The following YTHDC1 variants were observed in gnomAD, a reference collection of about 807,000 sequenced individuals.
YTHDC1 encodes YTH domain-containing protein 1.
YTHDC1 carries 12 observed loss-of-function variants against 107.0 expected under a neutral mutation model. The ratio of observed to expected loss-of-function variants is 0.11; its 90% CI spans 0.07 to 0.18. The LOEUF (loss-of-function observed/expected upper bound fraction) is 0.18. YTHDC1 is among the 10% of genes least tolerant of loss of function. YTHDC1 has a pLI of 1.00. For missense variants in YTHDC1, 635 were observed against 898.8 expected (o/e 0.71, Z 3.75); for synonymous variants, 280 against 289.5 (o/e 0.97, Z 0.33).
Position 68,311,542 on chromosome 4 carries a change from C to CA in YTHDC1, c.*2556dup, listed in dbSNP as rs1553901028. ...GTCTTCTCACAGTGACAAAAGCTGT[C>CA]ATGTGTACGAATATTAAATAAAACA... is the stretch of plus-strand genomic sequence containing the variant. On this transcript the variant is annotated 3_prime_UTR_variant, in exon 17 of 17. Coordinates refer to ENST00000344157, the MANE Select transcript of YTHDC1 (RefSeq NM_001031732.4). 1 of 152,148 alleles carries CA rather than the reference C, an allele frequency of 6.6e-6. No individual in the cohort carries two copies. The highest frequency in any genetic ancestry group is 1.5e-5 in the Non-Finnish European group (1 of 68,046). The allele number at this position is 152,148 out of a possible 1,614,324, so 9.4% of individuals were successfully genotyped here. A position where few individuals can be genotyped will look rare whatever the true frequency, so the allele number is the denominator to read the frequency against.
chr4:68,349,679 C>T, intron 1 of YTHDC1, 47 bp downstream of exon 1: 1 of 1,372,196 alleles, frequency 7.3e-7, no homozygotes. Context: ...TCACCCCACT[C>T]CCGGGCCCCA....
intron 9 of YTHDC1, among the ~76,000 whole-genome samples, chr4:68,328,036 C>T (rs62316045): frequency 0.23 from 34,239 of 152,034 alleles, 4,497 homozygotes; most frequent in East Asian, 0.55. Context: ...TCTACCTCTT[C>T]GGTTGCTTGA....
At chr4:68,343,693 C>T (rs899037782) in intron 1 of YTHDC1, among the ~76,000 whole-genome samples, 6 of 151,958 alleles carry the variant, frequency 3.9e-5, no homozygotes, top group Admixed American at 2.0e-4. Flanking sequence ...CCTGCCACCA[C>T]GCCGAGCTAA....
chr4:68,323,540 A>G (rs1389959857), intron 10 of YTHDC1, among the ~76,000 whole-genome samples: 1 of 152,202 alleles, frequency 6.6e-6, no homozygotes, highest in Non-Finnish European at 1.5e-5. Context: ...CCAGCCTCGC[A>G]AAATGGTGAA....
chr4:68,333,122 A>C (rs1044101826), intron 5 of YTHDC1, among the ~76,000 whole-genome samples, 186 bp downstream of exon 5: 2 of 152,200 alleles, frequency 1.3e-5, no homozygotes, highest in Admixed American at 6.5e-5. Context: ...ATTCCACTTA[A>C]GCAGTAACAG....
chr4:68,333,485 T>G, intron 4 of YTHDC1, 88 bp from the exon 5 acceptor site: 1 of 894,240 alleles, frequency 1.1e-6, no homozygotes, highest in Non-Finnish European at 1.8e-6. Flanking sequence ...CATGTCTAGT[T>G]TTTGCATAGC....
intron 15 of YTHDC1, 81 bp downstream of exon 15, chr4:68,318,438 C>T: frequency 1.5e-6 from 2 of 1,350,506 alleles, no homozygotes; most frequent in Admixed American, 4.6e-5. Flanking sequence ...GTAACTGTAA[C>T]AATCATATTC....
chr4:68,342,449 T>C (rs1284807701), intron 1 of YTHDC1, among the ~76,000 whole-genome samples: 10 of 152,284 alleles, frequency 6.6e-5, no homozygotes, highest in Non-Finnish European at 1.3e-4. Context: ...ACAGTATTTA[T>C]TCATCACAAA....
In YTHDC1 at chr4:68,312,369, T is replaced by A. The variant is rs1252498411; in HGVS notation, c.*1730A>T. ...TTTAATATTACCTACCAGTTTTGTA[T>A]AATGGTTACAGAAATTCTTAAACTG... On this transcript the variant is annotated 3_prime_UTR_variant, in exon 17 of 17. Transcript: ENST00000344157. The A allele has an allele frequency of 6.6e-6, 1 of 152,214 alleles. No individual in the cohort carries two copies. Among genetic ancestry groups the A allele is most frequent in the East Asian group, 1.9e-4 (1 of 5,198 alleles). 9.4% of individuals were successfully genotyped at this position (152,214 alleles called of 1,614,324 possible).
chr4:68,344,549 T>A (rs1234757335), intron 1 of YTHDC1, among the ~76,000 whole-genome samples: 1 of 152,212 alleles, frequency 6.6e-6, no homozygotes, highest in Non-Finnish European at 1.5e-5. Context: ...TGGAATTGCA[T>A]GACTCTTCAG....
rs1134033 is a variant in YTHDC1, at chr4:68,349,798, G to A, written c.-45C>T. 6.2e-7 allele frequency: 1 copy of A among 1,611,526 alleles called. No individual in the cohort carries two copies. The highest frequency in any genetic ancestry group is 1.1e-5 in the South Asian group (1 of 91,012). On this transcript the variant is annotated 5_prime_UTR_variant, in exon 1 of 17. Coordinates refer to ENST00000344157, the MANE Select transcript of YTHDC1 (RefSeq NM_001031732.4). ...CCGCTGCCACCGCCGCCGCCGCTTA[G>A]ACGCGACTCGCGCGGGCGCCGCAGC...
intron 2 of YTHDC1, 91 bp from the exon 3 acceptor site, chr4:68,337,991 A>C (rs1291346327): frequency 1.3e-6 from 2 of 1,490,666 alleles, no homozygotes; most frequent in Admixed American, 5.1e-5. Flanking sequence ...TACATCAGGA[A>C]GGGGGGATAG....
intron 1 of YTHDC1, among the ~76,000 whole-genome samples, chr4:68,342,510 A>G (rs1724937390): frequency 6.6e-6 from 1 of 152,234 alleles, no homozygotes; most frequent in Non-Finnish European, 1.5e-5. Context: ...CACTGTTGAC[A>G]GAAGTGTCAT....
At chr4:68,325,048 T>A (rs540777554) in intron 9 of YTHDC1, among the ~76,000 whole-genome samples, 27 of 152,272 alleles carry the variant, frequency 1.8e-4, no homozygotes, top group African/African-American at 6.5e-4. Context: ...TTTGATAAGG[T>A]TTTATCTGCC....
In YTHDC1 at chr4:68,311,479, TAG is replaced by T. The variant is rs1721299338; in HGVS notation, c.*2618_*2619del. The stretch of plus-strand genomic sequence containing the variant: ...AACACATCATACTAATGTAGATTGT[TAG>T]AATCACAGCACAGTGGAGTACACGA... On this transcript the variant is annotated 3_prime_UTR_variant, in exon 17 of 17. Transcript: ENST00000344157. The T allele has an allele frequency of 6.6e-6, 1 of 152,218 alleles. No homozygotes were observed. Among genetic ancestry groups the T allele is most frequent in the South Asian group, 2.1e-4 (1 of 4,834 alleles). The allele number at this position is 152,218 out of a possible 1,614,324, so 9.4% of individuals were successfully genotyped here.
intron 1 of YTHDC1, among the ~76,000 whole-genome samples, chr4:68,349,396 G>A (rs1316571246): frequency 6.6e-6 from 1 of 152,142 alleles, no homozygotes; most frequent in Non-Finnish European, 1.5e-5. Flanking sequence ...CGTTACATCC[G>A]CATGATCCTA....
chr4:68,339,084 A>C (rs374001266), intron 1 of YTHDC1, among the ~76,000 whole-genome samples: 3 of 152,192 alleles, frequency 2.0e-5, no homozygotes. Context: ...AAAAATGTGC[A>C]CTCTCCACAA....
Position 68,337,706 on chromosome 4 carries a change from G to A in YTHDC1, c.325C>T (p.Leu109=). 1 of 1,614,080 alleles carries A rather than the reference G, an allele frequency of 6.2e-7. No homozygotes were observed. Among genetic ancestry groups the A allele is most frequent in the Non-Finnish European group, 8.5e-7 (1 of 1,180,014 alleles). Residue 109 remains leucine, a synonymous_variant, in exon 3 of 17, where the codon CTA becomes TTA. Transcript: ENST00000344157. ...EYQRSERNKR[L]DADRKIRLSS... ...AGACGAATTTTCCGATCAGCATCTAGACGCTTGTTTCTTTCAGATCTTTGA... is the reference window on the plus strand; with the variant it reads ...AGACGAATTTTCCGATCAGCATCTAAACGCTTGTTTCTTTCAGATCTTTGA...
intron 16 of YTHDC1, among the ~76,000 whole-genome samples, chr4:68,315,029 T>C (rs1413614079): frequency 6.6e-6 from 1 of 152,166 alleles, no homozygotes; most frequent in Non-Finnish European, 1.5e-5. Context: ...AAAAAATCAC[T>C]ACATAAAGAT....
Sources: gnomAD v4.1 joint callset for allele counts (sites outside exome capture counted in the v4.1 genomes callset) on GRCh38, gnomAD v4.1.1 for gene constraint, MANE v1.5 for transcripts, NCBI Gene and HGNC (gene_info 2026-07-23, HGNC 2026-07-21) for gene names.